SNED1: variants seen among roughly 807,000 people sequenced by gnomAD.
The protein encoded by SNED1 is sushi, nidogen and EGF like domains 1, also known as sushi, nidogen and EGF-like domain-containing protein 1.
A neutral mutation model predicts 166.7 loss-of-function variants in SNED1; 81 were observed. That is an observed-to-expected ratio of 0.49 (90% confidence interval 0.41 to 0.58). SNED1 has a LOEUF of 0.58. Ranked by LOEUF, SNED1 falls within the 20% of genes least tolerant of loss-of-function variation. The probability of loss-of-function intolerance (pLI) is 0.00; values close to 1 mark genes in which losing one functional copy is unlikely to be tolerated. For synonymous variants in SNED1, 762 were observed against 822.0 expected (o/e 0.93, Z 1.25); for missense variants, 1,604 against 2,000.2 (o/e 0.80, Z 3.78).
intron 6 of SNED1, among the ~76,000 whole-genome samples, chr2:241,038,570 C>T (rs1284336883): frequency 3.3e-5 from 5 of 152,260 alleles, no homozygotes; most frequent in Admixed American, 1.3e-4. Flanking sequence ...CCTTGCTCCC[C>T]GAGCCCTGCC....
chr2:241,014,533 C>T (rs2060517313), intron 1 of SNED1, among the ~76,000 whole-genome samples: 1 of 152,218 alleles, frequency 6.6e-6, no homozygotes, highest in Admixed American at 6.5e-5. Context: ...GAGCCAGTCT[C>T]ATATGTTCAC....
At position 240,998,799 on chromosome 2, in the gene SNED1, T is replaced by C. The variant is rs1282844438; in HGVS notation, c.-39T>C. 9 of 1,089,576 alleles carry C rather than the reference T, an allele frequency of 8.3e-6. No individual in the cohort carries two copies. Among genetic ancestry groups the C allele is most frequent in the Non-Finnish European group, 9.0e-6 (8 of 885,816 alleles). The allele number at this position is 1,089,576 out of a possible 1,614,324, so 67.5% of individuals were successfully genotyped here. ...CGCGCAGCCTAGTCCCCCAGCGCCC[T>C]GCTCCGCCAGCGCCCCGTCCCGCCC... On this transcript the variant is annotated 5_prime_UTR_variant, in exon 1 of 32. Transcript: ENST00000310397.
At chr2:241,087,683 G>A (rs755874165) in intron 30 of SNED1, 153 of 1,367,996 alleles carry the variant, frequency 1.1e-4, no homozygotes, top group Non-Finnish European at 1.4e-4. Flanking sequence ...GGGCACAGCC[G>A]GGCATGCTGG....
chr2:240,999,062 C>A lies in SNED1; in HGVS notation c.213+12C>A. ...ACTCCGGACTCTACGTGAGTAACCCCCGGGCTCGCGGGGCGCCCGGGAGGG... is the reference window on the plus strand; with the variant it reads ...ACTCCGGACTCTACGTGAGTAACCCACGGGCTCGCGGGGCGCCCGGGAGGG... On this transcript the variant is annotated intron_variant, in intron 1 of 31. Coordinates refer to ENST00000310397, the MANE Select transcript of SNED1 (RefSeq NM_001080437.3). The surrounding 1 kb of genome is among the most constrained non-coding windows in gnomAD (Gnocchi z 5.8). 1 of 1,279,388 alleles carries A rather than the reference C, an allele frequency of 7.8e-7. No individual in the cohort carries two copies. The highest frequency in any genetic ancestry group is 9.9e-7 in the Non-Finnish European group (1 of 1,009,028). The allele number at this position is 1,279,388 out of a possible 1,614,324, so 79.3% of individuals were successfully genotyped here. A position where few individuals can be genotyped will look rare whatever the true frequency, so the allele number is the denominator to read the frequency against.
chr2:241,064,291 G>A lies in SNED1; in HGVS notation c.2599+166G>A, dbSNP rs1369593685. Among the ~76,000 whole-genome samples the A allele has an allele frequency of 1.3e-5, 2 of 148,238 alleles. No homozygotes were observed. The highest frequency in any genetic ancestry group is 3.0e-5 in the Non-Finnish European group (2 of 67,452). ...CCCCTTCTCAGGCCAGTGGCCCTCC[G>A]CCTGTCTCCCTTGGTCCCACAATGG... On this transcript the variant is annotated intron_variant, in intron 19 of 31. Transcript: ENST00000310397. The surrounding 1 kb of genome is among the most constrained non-coding windows in gnomAD (Gnocchi z 7.0).
chr2:241,090,556 C>T (rs1374473770), intron 31 of SNED1: 2 of 1,260,506 alleles, frequency 1.6e-6, no homozygotes, highest in Non-Finnish European at 2.1e-6. Context: ...CTTCTATACA[C>T]AGGGCAGTGC....
intron 2 of SNED1, 80 bp downstream of exon 2, chr2:241,030,651 C>G (rs2061139532): frequency 7.0e-7 from 1 of 1,429,024 alleles, no homozygotes; most frequent in Admixed American, 1.9e-5. Flanking sequence ...CTCCCTCTTG[C>G]TGATGTGGGT....
chr2:241,012,814 GT>G (rs1173491477), intron 1 of SNED1, among the ~76,000 whole-genome samples: 1,028 of 132,550 alleles, frequency 7.8e-3, no homozygotes, highest in African/African-American at 0.022. Flanking sequence ...GCAGTACTGT[GT>G]TTTTTTTTTC....
chr2:241,054,925 T>C (rs2061997514), intron 16 of SNED1, among the ~76,000 whole-genome samples: 1 of 152,122 alleles, frequency 6.6e-6, no homozygotes. Context: ...GAGACCAGCC[T>C]GGCCAACATA....
Position 241,095,527 on chromosome 2 carries a change from A to G in SNED1, c.*3891A>G, listed in dbSNP as rs1252822990. ...AGCATTTTTGTGGAAAATCTGCTACATGTTTTCATAAAATAAAGTGCTATG... is the reference window on the plus strand; with the variant it reads ...AGCATTTTTGTGGAAAATCTGCTACGTGTTTTCATAAAATAAAGTGCTATG... On this transcript the variant is annotated 3_prime_UTR_variant, in exon 32 of 32. Coordinates refer to ENST00000310397, the MANE Select transcript of SNED1 (RefSeq NM_001080437.3). 1.2e-5 allele frequency: 2 copies of G among 162,320 alleles called. No homozygotes were observed. The highest frequency in any genetic ancestry group is 1.8e-4 in the South Asian group (1 of 5,696). The allele number at this position is 162,320 out of a possible 1,614,324, so 10.1% of individuals were successfully genotyped here.
At chr2:241,088,649 A>G (rs987419918) in intron 31 of SNED1, 5 of 535,762 alleles carry the variant, frequency 9.3e-6, no homozygotes, top group East Asian at 6.2e-5. Context: ...CTCTCTGTGG[A>G]TAGGGCAAAT....
rs1352279374 is a variant in SNED1 at position 241,033,786 on chromosome 2, A to G, written c.553A>G (p.Ile185Val). The G allele has an allele frequency of 5.6e-6, 9 of 1,611,792 alleles. No homozygotes were observed. Among genetic ancestry groups the G allele is most frequent in the South Asian group, 1.1e-5 (1 of 90,690 alleles). Reference sequence around the variant, plus strand: ...CACAGACGGCAAGCTCTCCTTCACCATCTTCAACTATGAGTCCATCGTGTG... The same window carrying G: ...CACAGACGGCAAGCTCTCCTTCACCGTCTTCAACTATGAGTCCATCGTGTG... Reference protein sequence around the residue: ...LITDGKLSFTIFNYESIVWTT... With the variant: ...LITDGKLSFTVFNYESIVWTT... Residue 185 changes from isoleucine to valine, a missense_variant, in exon 3 of 32, where the codon ATC becomes GTC. Around this residue, in one of 2 missense-constraint regions of SNED1, gnomAD observed 1,237 missense variants for 1,620.8 expected, o/e 0.76. Transcript: ENST00000310397.
intron 29 of SNED1, among the ~76,000 whole-genome samples, chr2:241,083,983 T>A (rs1305580033): frequency 6.6e-6 from 1 of 151,952 alleles, no homozygotes; most frequent in East Asian, 1.9e-4. Context: ...CTTTTTAGGA[T>A]TCCATTTTGT....
In SNED1 at chr2:241,073,337, C is replaced by A; in HGVS notation, c.3889C>A (p.Pro1297Thr). Residue 1297 changes from proline to threonine, a missense_variant, in exon 27 of 32, where the codon CCT becomes ACT. Pro to Thr is a conservative substitution (Grantham distance 38). This residue lies in a region of SNED1 where 367 missense variants were observed against 379.4 expected (regional missense o/e 0.97). Coordinates refer to ENST00000310397, the MANE Select transcript of SNED1 (RefSeq NM_001080437.3). The surrounding 1 kb of genome is among the most constrained non-coding windows in gnomAD (Gnocchi z 6.6). ...PKRVSLALQL[P>T]EHGSKDIGNV... is the part of the protein sequence containing the mutation. ...GCGGGTCAGCCTGGCCCTCCAGCTC[C>A]CTGAACACGGCAGCAAGGACATCGG... 1 of 1,573,808 alleles carries A rather than the reference C, an allele frequency of 6.4e-7. No homozygotes were observed. The highest frequency in any genetic ancestry group is 2.4e-5 in the East Asian group (1 of 42,476).
chr2:241,094,114 T>G lies in SNED1; in HGVS notation c.*2478T>G. The G allele has an allele frequency of 2.8e-6, 1 of 352,906 alleles. No homozygotes were observed. The highest frequency in any genetic ancestry group is 2.2e-5 in the South Asian group (1 of 45,926). The allele number at this position is 352,906 out of a possible 1,614,324, so 21.9% of individuals were successfully genotyped here. On this transcript the variant is annotated 3_prime_UTR_variant, in exon 32 of 32. Transcript: ENST00000310397. The surrounding 1 kb of genome is among the most constrained non-coding windows in gnomAD (Gnocchi z 4.3). ...CACTGGCACAGTGAAATGTCTCATTTCCAAACAGTTTTGCCTATGGCCAAG... is the reference window on the plus strand; with the variant it reads ...CACTGGCACAGTGAAATGTCTCATTGCCAAACAGTTTTGCCTATGGCCAAG...
intron 1 of SNED1, among the ~76,000 whole-genome samples, chr2:241,003,081 G>A (rs989757963): frequency 1.3e-5 from 2 of 151,846 alleles, no homozygotes; most frequent in African/African-American, 2.4e-5. Context: ...GTCTCTCCTC[G>A]CCAGAATCCC....
chr2:241,068,117 C>A lies in SNED1; in HGVS notation c.3194+170C>A, dbSNP rs2062541868. The stretch of plus-strand genomic sequence containing the variant: ...GTGAGCCAGCCTCAGACCCTGGAGG[C>A]TTCACTCCCGCCTCACCTCATCAGG... On this transcript the variant is annotated intron_variant, in intron 22 of 31. Transcript: ENST00000310397. This position sits in a 1 kb window ranked among gnomAD's most constrained non-coding sequence, Gnocchi z 5.3. Among the ~76,000 whole-genome samples the A allele has an allele frequency of 6.6e-6, 1 of 152,092 alleles. No homozygotes were observed. The highest frequency in any genetic ancestry group is 6.5e-5 in the Admixed American group (1 of 15,280).
intron 1 of SNED1, among the ~76,000 whole-genome samples, chr2:241,001,983 G>A (rs889749067): frequency 9.2e-5 from 14 of 152,278 alleles, no homozygotes; most frequent in South Asian, 8.3e-4. Flanking sequence ...GTGCCACACC[G>A]CAAGTCTGCT....
intron 16 of SNED1, among the ~76,000 whole-genome samples, chr2:241,053,836 C>G (rs1042359152): frequency 6.6e-6 from 1 of 152,250 alleles, no homozygotes; most frequent in Non-Finnish European, 1.5e-5. Context: ...AAGGCTCCCT[C>G]TGACCGAAGC....
Sources: allele counts gnomAD v4.1 joint callset (sites outside exome capture counted in the v4.1 genomes callset), GRCh38; gene constraint gnomAD v4.1.1; regional missense constraint gnomAD v4.1.1; non-coding constraint Gnocchi (gnomAD v3.1); transcripts MANE v1.5; gene names NCBI Gene and HGNC (gene_info 2026-07-23, HGNC 2026-07-21).